SUGCT: variants seen among roughly 807,000 people sequenced by gnomAD.
The protein encoded by SUGCT is succinyl-CoA:glutarate-CoA transferase, also known as succinyl-CoA:glutarate CoA-transferase.
A neutral mutation model predicts 55.0 loss-of-function variants in SUGCT; 41 were observed. That is an observed-to-expected ratio of 0.74 (90% CI 0.58 to 0.97). The LOEUF (loss-of-function observed/expected upper bound fraction) is 0.97, where lower values mean the gene tolerates loss of function less well. Ranked by LOEUF, SUGCT falls within the 50% of genes least tolerant of loss-of-function variation. The probability of loss-of-function intolerance (pLI) is 0.00; values close to 1 mark genes in which losing one functional copy is unlikely to be tolerated. For synonymous variants in SUGCT, 187 were observed against 200.4 expected, an observed-to-expected ratio of 0.93 and a Z score of 0.56; for missense variants, 568 against 547.8, an observed-to-expected ratio of 1.04 and a Z score of -0.37.
the SUGCT span, among the ~76,000 whole-genome samples, chr7:41,008,087 G>A: frequency 6.6e-6 from 1 of 152,190 alleles, no homozygotes; most frequent in Non-Finnish European, 1.5e-5. Context: ...GTGGAGCAAT[G>A]CTATCCTCCC....
chr7:40,630,424 A>G (rs1437891017), intron 12 of SUGCT, among the ~76,000 whole-genome samples: 4 of 152,236 alleles, frequency 2.6e-5, no homozygotes, highest in African/African-American at 9.6e-5. Flanking sequence ...GAGAACAGAG[A>G]TGCTATTTCA....
chr7:40,893,941 ATT>A, the SUGCT span, among the ~76,000 whole-genome samples: 1 of 151,744 alleles, frequency 6.6e-6, no homozygotes, highest in Non-Finnish European at 1.5e-5. Context: ...GGCACCTGTA[ATT>A]GCAGCTACTT....
chr7:41,027,059 G>A, the SUGCT span, among the ~76,000 whole-genome samples: 1 of 152,046 alleles, frequency 6.6e-6, no homozygotes, highest in Non-Finnish European at 1.5e-5. Context: ...TAAAAAAAAA[G>A]TTTACACAAA....
chr7:40,330,068 T>C (rs888708961), intron 9 of SUGCT, among the ~76,000 whole-genome samples: 2 of 152,200 alleles, frequency 1.3e-5, no homozygotes, highest in Admixed American at 1.3e-4. Flanking sequence ...GAGAACAGCA[T>C]CCTGGGCTTC....
intron 13 of SUGCT, among the ~76,000 whole-genome samples, chr7:40,751,610 C>T (rs890590871): frequency 2.6e-5 from 4 of 152,142 alleles, no homozygotes; most frequent in African/African-American, 9.7e-5. Context: ...CAGAGTTAGG[C>T]TGATTGATAG....
intron 12 of SUGCT, among the ~76,000 whole-genome samples, chr7:40,642,621 A>C (rs1800320101): frequency 6.6e-6 from 1 of 152,188 alleles, no homozygotes; most frequent in South Asian, 2.1e-4. Flanking sequence ...TGTTATTTGG[A>C]ATACTGGAAG....
chr7:40,984,024 G>A, the SUGCT span, among the ~76,000 whole-genome samples: 2 of 152,228 alleles, frequency 1.3e-5, no homozygotes, highest in South Asian at 4.2e-4. Context: ...AGGTAGGCGA[G>A]GGGTAGGGCC....
At chr7:40,246,436 G>C (rs957029445) in intron 7 of SUGCT, among the ~76,000 whole-genome samples, 3 of 151,946 alleles carry the variant, frequency 2.0e-5, no homozygotes, top group Non-Finnish European at 2.9e-5. Flanking sequence ...TTTTGGTAGA[G>C]ACTGGGTTTC....
chr7:40,544,550 A>C (rs1411712648), intron 12 of SUGCT, among the ~76,000 whole-genome samples: 3 of 152,126 alleles, frequency 2.0e-5, no homozygotes, highest in Admixed American at 6.5e-5. Flanking sequence ...TTTTGTAGGG[A>C]AAGTGTTGTA....
chr7:40,325,025 C>T (rs950886193), intron 9 of SUGCT, among the ~76,000 whole-genome samples: 2 of 152,188 alleles, frequency 1.3e-5, no homozygotes, highest in African/African-American at 4.8e-5. Context: ...GAGCAGGAAG[C>T]TGTGCTATGT....
At chr7:40,456,697 A>G (rs558814050) in intron 10 of SUGCT, among the ~76,000 whole-genome samples, 9 of 152,146 alleles carry the variant, frequency 5.9e-5, no homozygotes, top group South Asian at 4.2e-4. Flanking sequence ...ATTTGAGCCT[A>G]CTCAACCAAG....
chr7:40,901,572 AC>A, the SUGCT span, among the ~76,000 whole-genome samples: 1 of 152,162 alleles, frequency 6.6e-6, no homozygotes, highest in Admixed American at 6.6e-5. Flanking sequence ...ATGTTACCAA[AC>A]TGCCTTGATT....
intron 12 of SUGCT, among the ~76,000 whole-genome samples, chr7:40,641,086 T>G (rs1330970397): frequency 6.6e-6 from 1 of 152,256 alleles, no homozygotes; most frequent in African/African-American, 2.4e-5. Flanking sequence ...TTCTTAACCT[T>G]AAAGTCACAA....
At position 40,608,326 on chromosome 7, in the gene SUGCT, T is replaced by C. The variant is rs79341425; in HGVS notation, c.1089+111940T>C. On this transcript the variant is annotated intron_variant, in intron 12 of 13. Transcript: ENST00000335693. ...TAGGCAATACTTAAACATTTAACTCTTAGCAATTTGTGTTTTTAATGGAAT... is the reference window on the plus strand; with the variant it reads ...TAGGCAATACTTAAACATTTAACTCCTAGCAATTTGTGTTTTTAATGGAAT... Among the ~76,000 whole-genome samples, 589 of 152,326 alleles carry C rather than the reference T, an allele frequency of 3.9e-3. 1 individual carries two copies. Among genetic ancestry groups the C allele is most frequent in the African/African-American group, 0.013 (535 of 41,578 alleles).
chr7:40,403,912 C>T (rs1288828477), intron 9 of SUGCT, among the ~76,000 whole-genome samples: 1 of 152,174 alleles, frequency 6.6e-6, no homozygotes, highest in Non-Finnish European at 1.5e-5. Flanking sequence ...TTTTGACTGG[C>T]TTGCTGGCTG....
At chr7:40,583,715 C>T (rs77568207) in intron 12 of SUGCT, among the ~76,000 whole-genome samples, 3,825 of 152,142 alleles carry the variant, frequency 0.025, 156 homozygotes, top group African/African-American at 0.089. Context: ...TAATATATTG[C>T]CATCATAGAG....
At chr7:40,957,616 T>C in the SUGCT span, among the ~76,000 whole-genome samples, 1 of 152,122 alleles carries the variant, frequency 6.6e-6, no homozygotes, top group Non-Finnish European at 1.5e-5. Context: ...GTCTATGTCT[T>C]TTAATTGGGG....
intron 8 of SUGCT, among the ~76,000 whole-genome samples, chr7:40,287,319 C>G (rs1562647545): frequency 6.6e-6 from 1 of 151,854 alleles, no homozygotes; most frequent in Non-Finnish European, 1.5e-5. Context: ...TACTTTTCTC[C>G]TCTCCAATAT....
chr7:40,248,917 C>CACAT (rs1554296256), intron 7 of SUGCT, among the ~76,000 whole-genome samples: 22 of 147,026 alleles, frequency 1.5e-4, no homozygotes, highest in African/African-American at 5.4e-4. Context: ...CACGCACACA[C>CACAT]ACACACACTC....
Sources: allele counts gnomAD v4.1 joint callset (sites outside exome capture counted in the v4.1 genomes callset), GRCh38; gene constraint gnomAD v4.1.1; transcripts MANE v1.5; gene names NCBI Gene and HGNC (gene_info 2026-07-23, HGNC 2026-07-21).